The following TMEM98 variants were observed in gnomAD, a reference collection of about 807,000 sequenced individuals.
TMEM98 encodes the protein transmembrane protein 98.
Under a neutral mutation model 25.0 loss-of-function variants are expected in TMEM98, and 18 were observed. The ratio of observed to expected loss-of-function variants is 0.72; its 90% CI spans 0.50 to 1.07. The LOEUF (loss-of-function observed/expected upper bound fraction) is 1.07, where lower values mean the gene tolerates loss of function less well. Among genes scored for constraint, TMEM98 ranks in the 50% least tolerant of loss-of-function variants. The pLI is 0.00. For missense variants in TMEM98, 241 were observed against 289.0 expected (o/e 0.83, Z 1.20); for synonymous variants, 103 against 112.4 (o/e 0.92, Z 0.53).
chr17:32,929,320 C>T (rs1457940084), intron 1 of TMEM98, among the ~76,000 whole-genome samples: 2 of 152,216 alleles, frequency 1.3e-5, no homozygotes, highest in East Asian at 3.9e-4. Context: ...AGCTCACACA[C>T]ACCCAGAGAA....
At position 32,931,383 on chromosome 17, in the gene TMEM98, CA is replaced by C; in HGVS notation, c.-72del. ...ACCTAGCACCTGCCATCCTCTTCCCCAATTTGCCACTTCCAGCAGGTAAGAC... is the reference window on the plus strand; with the variant it reads ...ACCTAGCACCTGCCATCCTCTTCCCCATTTGCCACTTCCAGCAGGTAAGAC... On this transcript the variant is annotated 5_prime_UTR_variant, in exon 2 of 8. Transcript: ENST00000579849. 4.4e-6 allele frequency: 5 copies of C among 1,124,662 alleles called. No homozygotes were observed. The highest frequency in any genetic ancestry group is 6.2e-6 in the Non-Finnish European group (5 of 813,004). 69.7% of individuals were successfully genotyped at this position (1,124,662 alleles called of 1,614,324 possible). A position where few individuals can be genotyped will look rare whatever the true frequency, so the allele number is the denominator to read the frequency against.
Position 32,942,200 on chromosome 17 carries a change from A to G in TMEM98, c.*1207A>G, listed in dbSNP as rs139805543. Reference sequence around the variant, plus strand: ...ATTAATATCTGTTCATTTTGCAAACATTGAAAGATTATGAAAGCTATGACC... The same window carrying G: ...ATTAATATCTGTTCATTTTGCAAACGTTGAAAGATTATGAAAGCTATGACC... On this transcript the variant is annotated 3_prime_UTR_variant, in exon 8 of 8. Transcript: ENST00000579849. The G allele has an allele frequency of 9.8e-5, 15 of 152,332 alleles. No homozygotes were observed. Among genetic ancestry groups the G allele is most frequent in the African/African-American group, 3.6e-4 (15 of 41,582 alleles). The allele number at this position is 152,332 out of a possible 1,614,324, so 9.4% of individuals were successfully genotyped here.
chr17:32,931,973 C>T (rs769099738), intron 3 of TMEM98, among the ~76,000 whole-genome samples: 29 of 152,166 alleles, frequency 1.9e-4, no homozygotes, highest in Non-Finnish European at 3.7e-4. Flanking sequence ...AGCCAAATCA[C>T]TTTCCAGCCA....
intron 3 of TMEM98, among the ~76,000 whole-genome samples, chr17:32,932,094 ATTTTTTT>A (rs774760952): frequency 6.7e-5 from 8 of 118,992 alleles, no homozygotes; most frequent in South Asian, 2.6e-4. Context: ...TGCACAGCAG[ATTTTTTT>A]TTTTTTTTTT....
At chr17:32,929,121 A>T (rs143230065) in intron 1 of TMEM98, among the ~76,000 whole-genome samples, 1 of 152,038 alleles carries the variant, frequency 6.6e-6, no homozygotes, top group East Asian at 1.9e-4. Flanking sequence ...ACTCAAGATA[A>T]ACAGCTCACA....
At chr17:32,934,188 G>C (rs29017) in intron 4 of TMEM98, 103 bp from the exon 5 acceptor site, 119,502 of 1,301,052 alleles carry the variant, frequency 0.092, 6,065 homozygotes, top group African/African-American at 0.12. Flanking sequence ...GGTTGGTATT[G>C]GGCTGTGCCC....
intron 3 of TMEM98, 43 bp downstream of exon 3, chr17:32,931,702 ACT>A: frequency 6.3e-7 from 1 of 1,581,654 alleles, no homozygotes; most frequent in Admixed American, 1.8e-5. Context: ...GTGGGCTCTA[ACT>A]AAAGAAAAAG....
intron 6 of TMEM98, 132 bp downstream of exon 6, chr17:32,936,579 A>G (rs2151113307): frequency 1.3e-6 from 1 of 747,190 alleles, no homozygotes; most frequent in South Asian, 1.8e-5. Context: ...TTTCCCACAC[A>G]TTTACAGAGT....
intron 3 of TMEM98, 52 bp from the exon 4 acceptor site, chr17:32,933,122 T>G: frequency 6.2e-7 from 1 of 1,606,824 alleles, no homozygotes; most frequent in Non-Finnish European, 8.5e-7. Context: ...GAGGAGAGGA[T>G]CAGCAGCGGT....
intron 1 of TMEM98, among the ~76,000 whole-genome samples, chr17:32,928,856 CAG>C (rs1300265126): frequency 7.5e-5 from 11 of 146,578 alleles, no homozygotes; most frequent in South Asian, 2.1e-4. Context: ...GAAGCACACT[CAG>C]AAACATTCAG....
rs545983097 is a variant in TMEM98 at position 32,932,741 on chromosome 17, C to G, written c.132-433C>G. The stretch of plus-strand genomic sequence containing the variant: ...TATAGGGATGGACCAAAGTGGTTCA[C>G]AAGAGTTATTCTGCAGACCAGGTGG... On this transcript the variant is annotated intron_variant, in intron 3 of 7. Coordinates refer to ENST00000579849, the MANE Select transcript of TMEM98 (RefSeq NM_015544.3). Among the ~76,000 whole-genome samples, 170 of 152,222 alleles carry G rather than the reference C, an allele frequency of 1.1e-3. 1 individual carries two copies. Among genetic ancestry groups the G allele is most frequent in the African/African-American group, 4.0e-3 (167 of 41,540 alleles).
At chr17:32,933,393 C>G in intron 4 of TMEM98, 88 bp downstream of exon 4, 2 of 1,541,810 alleles carry the variant, frequency 1.3e-6, no homozygotes, top group South Asian at 1.2e-5. Context: ...AGCTGGCATT[C>G]AAGAACAGTC....
intron 7 of TMEM98, 125 bp downstream of exon 7, chr17:32,939,661 C>A: frequency 3.5e-6 from 4 of 1,141,064 alleles, no homozygotes; most frequent in Non-Finnish European, 5.2e-6. Flanking sequence ...CTTAGGCTGC[C>A]CGGGCCATGC....
intron 7 of TMEM98, among the ~76,000 whole-genome samples, chr17:32,940,517 C>T (rs1398640737): frequency 6.6e-6 from 1 of 152,122 alleles, no homozygotes; most frequent in African/African-American, 2.4e-5. Flanking sequence ...CTTAAATAAG[C>T]TTGTGAGAGA....
chr17:32,929,115 A>G (rs1030460123), intron 1 of TMEM98, among the ~76,000 whole-genome samples: 1 of 151,944 alleles, frequency 6.6e-6, no homozygotes, highest in African/African-American at 2.4e-5. Flanking sequence ...AAGCACACTC[A>G]AGATAAACAG....
Position 32,931,473 on chromosome 17 carries a change from A to T in TMEM98, c.-54-2A>T. The T allele has an allele frequency of 6.3e-7, 1 of 1,580,050 alleles. No individual in the cohort carries two copies. Among genetic ancestry groups the T allele is most frequent in the Non-Finnish European group, 8.6e-7 (1 of 1,162,248 alleles). On this transcript the variant is annotated splice_acceptor_variant, in intron 2 of 7. Coordinates refer to ENST00000579849, the MANE Select transcript of TMEM98 (RefSeq NM_015544.3). LOFTEE classifies it low-confidence loss of function (5UTR_SPLICE). ...TCTGCTCTGACTTCATGTTCTCTCA[A>T]GCTTTAGCCCATGAGGAGGATGTGA... is the stretch of plus-strand genomic sequence containing the variant.
intron 7 of TMEM98, 117 bp downstream of exon 7, chr17:32,939,653 T>TAAGG: frequency 4.7e-6 from 6 of 1,274,218 alleles, no homozygotes; most frequent in Non-Finnish European, 6.8e-6. Flanking sequence ...GCAGCCTCCT[T>TAAGG]AGGCTGCCCG....
At chr17:32,938,528 A>G (rs2091510008) in intron 6 of TMEM98, among the ~76,000 whole-genome samples, 1 of 152,244 alleles carries the variant, frequency 6.6e-6, no homozygotes, top group Admixed American at 6.5e-5. Context: ...TGTGCCACGC[A>G]AATCAGAATG....
chr17:32,928,982 G>GAAAC (rs2091449856), intron 1 of TMEM98, among the ~76,000 whole-genome samples: 1 of 147,734 alleles, frequency 6.8e-6, no homozygotes. Context: ...CACACTCCGA[G>GAAAC]AAACAGTTCA....
Sources: allele counts gnomAD v4.1 joint callset (sites outside exome capture counted in the v4.1 genomes callset), GRCh38; gene constraint gnomAD v4.1.1; transcripts MANE v1.5; gene names NCBI Gene and HGNC (gene_info 2026-07-23, HGNC 2026-07-21).